The following FDFT1 variants were observed in gnomAD, a reference collection of about 807,000 sequenced individuals.
The protein encoded by FDFT1 is squalene synthase.
A neutral mutation model predicts 46.8 loss-of-function variants in FDFT1; 68 were observed. The observed-to-expected ratio is 1.45, with a 90% confidence interval of 1.19 to 1.78. The LOEUF (loss-of-function observed/expected upper bound fraction) is 1.78. Among genes scored for constraint, FDFT1 ranks in the 40% most tolerant of loss-of-function variants. FDFT1 has a pLI of 0.00. For synonymous variants in FDFT1, 351 were observed against 185.1 expected (o/e 1.90, Z -7.28); for missense variants, 928 against 524.4 (o/e 1.77, Z -7.52).
chr8:11,830,623 T>A (rs1419908338), intron 6 of FDFT1, among the ~76,000 whole-genome samples: 1 of 152,210 alleles, frequency 6.6e-6, no homozygotes, highest in East Asian at 1.9e-4. Flanking sequence ...CCTGCTCCTT[T>A]TCAGAACCTT....
chr8:11,802,290 G>C, upstream of FDFT1: 1 of 387,538 alleles, frequency 2.6e-6, no homozygotes, highest in Non-Finnish European at 5.2e-6. Flanking sequence ...AGCTCACCCG[G>C]CTGGCAGGAG....
upstream of FDFT1, among the ~76,000 whole-genome samples, chr8:11,799,415 C>T (rs61004096): frequency 0.18 from 27,484 of 152,200 alleles, 2,541 homozygotes; most frequent in East Asian, 0.32. Context: ...GCAGTTAGAG[C>T]TTAGTTGATT....
upstream of FDFT1, among the ~76,000 whole-genome samples, chr8:11,799,828 TC>T (rs1400770237): frequency 6.6e-6 from 1 of 151,506 alleles, no homozygotes; most frequent in Admixed American, 6.6e-5. Flanking sequence ...TGCCTGTAGT[TC>T]CAGCTACTCG....
intron 1 of FDFT1, among the ~76,000 whole-genome samples, chr8:11,805,557 C>T (rs963536928): frequency 1.3e-5 from 2 of 152,210 alleles, no homozygotes; most frequent in African/African-American, 2.4e-5. Context: ...GGTAACTTAA[C>T]CTCTGAACCA....
upstream of FDFT1, chr8:11,802,209 C>G (rs115962864): frequency 7.3e-6 from 3 of 408,970 alleles, no homozygotes; most frequent in Non-Finnish European, 1.4e-5. Flanking sequence ...GGGTGTGTTA[C>G]AGTAAAGACG....
At chr8:11,800,227 C>T (rs893009847), upstream of FDFT1, among the ~76,000 whole-genome samples, 2 of 122,510 alleles carry the variant, frequency 1.6e-5, no homozygotes, top group African/African-American at 6.2e-5. Context: ...TGCCACTGCA[C>T]TCCAGCCTGG....
intron 1 of FDFT1, among the ~76,000 whole-genome samples, chr8:11,797,177 C>A (rs368008867): frequency 6.6e-6 from 1 of 152,212 alleles, no homozygotes; most frequent in Non-Finnish European, 1.5e-5. Context: ...CCTGTTTTAG[C>A]TAGTCCTCAA....
At chr8:11,837,716 A>G (rs965455850) in intron 7 of FDFT1, among the ~76,000 whole-genome samples, 10 of 152,132 alleles carry the variant, frequency 6.6e-5, no homozygotes, top group African/African-American at 2.4e-4. Context: ...CCTTGGTGAC[A>G]GTGTAGAGCA....
intron 1 of FDFT1, among the ~76,000 whole-genome samples, chr8:11,805,898 G>A (rs1010047157): frequency 6.6e-6 from 1 of 152,184 alleles, no homozygotes; most frequent in East Asian, 1.9e-4. Context: ...AGACCTTAAA[G>A]GGTTGATTGA....
chr8:11,831,308 T>A (rs1294690251), intron 6 of FDFT1, among the ~76,000 whole-genome samples: 1 of 152,212 alleles, frequency 6.6e-6, no homozygotes, highest in Non-Finnish European at 1.5e-5. Context: ...TTAGACTGCT[T>A]AATTCTGTGT....
chr8:11,816,568 T>C (rs28832388), intron 3 of FDFT1, among the ~76,000 whole-genome samples: 2,101 of 152,326 alleles, frequency 0.014, 41 homozygotes, highest in African/African-American at 0.047. Flanking sequence ...TAGTTCTCTT[T>C]GAAGAGGTCC....
intron 1 of FDFT1, chr8:11,808,587 G>C: frequency 7.2e-7 from 1 of 1,385,234 alleles, no homozygotes; most frequent in Non-Finnish European, 9.3e-7. Context: ...GAGTCCCGCC[G>C]CGGCGCCCAG....
At chr8:11,811,237 T>A (rs968173720) in intron 3 of FDFT1, among the ~76,000 whole-genome samples, 1 of 152,230 alleles carries the variant, frequency 6.6e-6, no homozygotes, top group African/African-American at 2.4e-5. Context: ...ATGGGAAATC[T>A]GTGGCGATTC....
At chr8:11,805,141 T>C (rs187598039) in intron 1 of FDFT1, among the ~76,000 whole-genome samples, 1 of 151,582 alleles carries the variant, frequency 6.6e-6, no homozygotes, top group Non-Finnish European at 1.5e-5. Context: ...GGTCTTGAAC[T>C]CCTGAGCTCA....
chr8:11,820,421 G>C (rs1809065037), intron 3 of FDFT1, among the ~76,000 whole-genome samples: 1 of 152,214 alleles, frequency 6.6e-6, no homozygotes, highest in Admixed American at 6.5e-5. Context: ...GAAGCCGTCT[G>C]CTGCCTTTTG....
At chr8:11,817,547 G>A (rs1808630468) in intron 3 of FDFT1, among the ~76,000 whole-genome samples, 1 of 152,192 alleles carries the variant, frequency 6.6e-6, no homozygotes, top group Non-Finnish European at 1.5e-5. Context: ...TTCAGAGCCT[G>A]CTATTGGTCA....
chr8:11,835,992 A>AAAAAAAAAAAAAAAAAC (rs1811487262), intron 7 of FDFT1, among the ~76,000 whole-genome samples: 1 of 148,512 alleles, frequency 6.7e-6, no homozygotes, highest in Non-Finnish European at 1.5e-5. Flanking sequence ...AAAAAAAAAA[A>AAAAAAAAAAAAAAAAAC]AAATACAAAA....
chr8:11,823,554 C>G (rs1411627120), intron 4 of FDFT1, among the ~76,000 whole-genome samples: 1 of 151,760 alleles, frequency 6.6e-6, no homozygotes, highest in Non-Finnish European at 1.5e-5. Context: ...TAGTCTCTGG[C>G]TTTGTATTAC....
chr8:11,798,544 G>C (rs919458677), upstream of FDFT1, among the ~76,000 whole-genome samples: 1 of 152,188 alleles, frequency 6.6e-6, no homozygotes. Flanking sequence ...TGAAGGGGTG[G>C]ATATAAGGAG....
Sources: gnomAD v4.1 joint callset for allele counts (sites outside exome capture counted in the v4.1 genomes callset) on GRCh38, gnomAD v4.1.1 for gene constraint, MANE v1.5 for transcripts, NCBI Gene and HGNC (gene_info 2026-07-23, HGNC 2026-07-21) for gene names.